The following STXBP5L variants were observed in gnomAD, a reference collection of about 807,000 sequenced individuals.
STXBP5L encodes syntaxin-binding protein 5-like.
A neutral mutation model predicts 144.5 loss-of-function variants in STXBP5L; 65 were observed. That is an observed-to-expected ratio of 0.45 (90% CI 0.37 to 0.55). The LOEUF is 0.55. STXBP5L is among the 20% of genes least tolerant of loss of function. The pLI, the probability that STXBP5L is intolerant of heterozygous loss-of-function variation, is 0.00. For missense variants in STXBP5L, 1,298 were observed against 1,405.5 expected (o/e 0.92, Z 1.22); for synonymous variants, 505 against 469.6 (o/e 1.08, Z -0.97).
chr3:121,183,879 C>G (rs2047262197), intron 9 of STXBP5L, among the ~76,000 whole-genome samples: 1 of 152,070 alleles, frequency 6.6e-6, no homozygotes. Flanking sequence ...AGACAGCTAT[C>G]TTTGCTGTTC....
At position 121,250,738 on chromosome 3, in the gene STXBP5L, A is replaced by G; in HGVS notation, c.1416A>G (p.Ser472=). 1 of 1,609,518 alleles carries G rather than the reference A, an allele frequency of 6.2e-7. No homozygotes were observed. Among genetic ancestry groups the G allele is most frequent in the Non-Finnish European group, 8.5e-7 (1 of 1,177,758 alleles). Residue 472 remains serine (S), a synonymous_variant, in exon 15 of 27, where the codon TCA becomes TCG. Transcript: ENST00000471454. ...TCTCATCTAGTCATGCAGATGGATC[A>G]ATAAAATTTTGGGATGCTTCTGCAA... The part of the protein sequence containing the change: ...EIIITGHADG[S]IKFWDASAIT...
At chr3:120,926,059 C>G (rs1011133032) in intron 2 of STXBP5L, among the ~76,000 whole-genome samples, 13 of 152,074 alleles carry the variant, frequency 8.5e-5, no homozygotes, top group Non-Finnish European at 1.5e-4. Context: ...ATAGGTTTGT[C>G]TTTTAGGTTT....
At chr3:121,204,816 A>G (rs1559861694) in intron 9 of STXBP5L, among the ~76,000 whole-genome samples, 1 of 152,196 alleles carries the variant, frequency 6.6e-6, no homozygotes, top group Non-Finnish European at 1.5e-5. Context: ...CATAACTAGA[A>G]AGATAAGCAT....
intron 15 of STXBP5L, among the ~76,000 whole-genome samples, chr3:121,251,529 G>C (rs2050025568): frequency 6.6e-6 from 1 of 152,144 alleles, no homozygotes; most frequent in South Asian, 2.1e-4. Flanking sequence ...TGAAGAACAA[G>C]TTAACAGTGA....
intron 9 of STXBP5L, among the ~76,000 whole-genome samples, chr3:121,191,408 G>A (rs1197213825): frequency 8.5e-5 from 13 of 152,258 alleles, no homozygotes; most frequent in Middle Eastern, 3.4e-3. Context: ...GCGTGGAGGC[G>A]CACGCCTGCA....
At chr3:121,207,559 GA>G (rs1352505697) in intron 10 of STXBP5L, among the ~76,000 whole-genome samples, 1 of 152,176 alleles carries the variant, frequency 6.6e-6, no homozygotes. Context: ...TACAGAATGA[GA>G]GAAAATTTTT....
chr3:120,909,720 G>A lies in STXBP5L; in HGVS notation c.142G>A (p.Glu48Lys), dbSNP rs1340092401. 2.5e-6 allele frequency: 4 copies of A among 1,611,758 alleles called. No homozygotes were observed. The highest frequency in any genetic ancestry group is 3.4e-6 in the Non-Finnish European group (4 of 1,179,436). ...HPAGTAGVLR[E>K]EIQETLTSEY... is the part of the protein sequence containing the mutation. Reference sequence around the variant, plus strand: ...GGCGGGGACTGCAGGGGTTCTCAGAGAGGAAATTCAGGAAACTTTGACTTC... The same window carrying A: ...GGCGGGGACTGCAGGGGTTCTCAGAAAGGAAATTCAGGAAACTTTGACTTC... The change falls in exon 2 of 27, where the codon GAG (glutamate) becomes AAG (lysine). Residue 48 changes from glutamate to lysine, a missense_variant. By Grantham distance (56) the Glu-to-Lys change is moderately conservative. Transcript: ENST00000471454.
chr3:121,093,468 C>G (rs1446407642), intron 5 of STXBP5L, among the ~76,000 whole-genome samples: 1 of 152,192 alleles, frequency 6.6e-6, no homozygotes, highest in African/African-American at 2.4e-5. Flanking sequence ...TTGGTCTATT[C>G]AGAGATTCAA....
At chr3:121,173,746 A>G (rs1005148692) in intron 9 of STXBP5L, among the ~76,000 whole-genome samples, 42 of 152,124 alleles carry the variant, frequency 2.8e-4, no homozygotes, top group African/African-American at 9.7e-4. Context: ...AGTTTGTGTT[A>G]TCTCTTTACA....
At chr3:121,296,964 G>A (rs2051677137) in intron 19 of STXBP5L, among the ~76,000 whole-genome samples, 1 of 152,080 alleles carries the variant, frequency 6.6e-6, no homozygotes, top group African/African-American at 2.4e-5. Context: ...ACCAAAAGTT[G>A]AATTAAGATG....
chr3:121,044,761 T>G (rs564790597), intron 4 of STXBP5L, among the ~76,000 whole-genome samples: 1 of 152,284 alleles, frequency 6.6e-6, no homozygotes, highest in African/African-American at 2.4e-5. Context: ...TTCTGCCACA[T>G]TAAGAGGTAG....
chr3:121,298,801 A>C (rs1285200097), intron 19 of STXBP5L, among the ~76,000 whole-genome samples: 1 of 152,234 alleles, frequency 6.6e-6, no homozygotes, highest in African/African-American at 2.4e-5. Flanking sequence ...ACACAGTTTG[A>C]GTTATACAAG....
intron 4 of STXBP5L, among the ~76,000 whole-genome samples, chr3:121,043,201 C>T (rs1485574257): frequency 6.6e-6 from 1 of 152,078 alleles, no homozygotes; most frequent in Non-Finnish European, 1.5e-5. Flanking sequence ...CCCAAACTTC[C>T]CAGTTTCTGA....
At chr3:121,200,181 G>A (rs1278550739) in intron 9 of STXBP5L, among the ~76,000 whole-genome samples, 1 of 152,062 alleles carries the variant, frequency 6.6e-6, no homozygotes, top group Non-Finnish European at 1.5e-5. Context: ...GTACATTCCA[G>A]GATTTAACTT....
intron 20 of STXBP5L, among the ~76,000 whole-genome samples, chr3:121,324,982 A>T (rs1236773688): frequency 6.6e-6 from 1 of 152,082 alleles, no homozygotes; most frequent in Non-Finnish European, 1.5e-5. Flanking sequence ...TCATAATACC[A>T]TGAAATATTT....
At chr3:121,144,510 G>A (rs2107954619) in intron 7 of STXBP5L, among the ~76,000 whole-genome samples, 1 of 152,016 alleles carries the variant, frequency 6.6e-6, no homozygotes, top group Non-Finnish European at 1.5e-5. Context: ...TGGAACACTT[G>A]TATGGTGGGA....
Position 121,167,672 on chromosome 3 carries a change from C to T in STXBP5L, c.877+10045C>T, listed in dbSNP as rs1443859434. 2.0e-5 allele frequency among the ~76,000 whole-genome samples: 3 copies of T among 152,212 alleles called. No individual in the cohort carries two copies. The East Asian group carries it at 5.8e-4, about 29-fold the overall frequency. ...GGCATCTCTGAAAAAAATAAGACAG[C>T]AGCCCCAGTCAGGGGCTTACAGATA... On this transcript the variant is annotated intron_variant, in intron 9 of 26. Coordinates refer to ENST00000471454, the MANE Select transcript of STXBP5L (RefSeq NM_001308330.2).
intron 9 of STXBP5L, among the ~76,000 whole-genome samples, chr3:121,200,147 C>T (rs2048083817): frequency 1.3e-5 from 2 of 152,054 alleles, no homozygotes; most frequent in Admixed American, 1.3e-4. Context: ...TTAATTACTG[C>T]CTCAATTTCA....
chr3:121,412,841 C>T (rs1196861169), intron 23 of STXBP5L, among the ~76,000 whole-genome samples: 1 of 151,554 alleles, frequency 6.6e-6, no homozygotes, highest in Non-Finnish European at 1.5e-5. Flanking sequence ...TGGCTCAAGC[C>T]TGGCCAACAT....
Sources: gnomAD v4.1 joint callset for allele counts (sites outside exome capture counted in the v4.1 genomes callset) on GRCh38, gnomAD v4.1.1 for gene constraint, MANE v1.5 for transcripts, NCBI Gene and HGNC (gene_info 2026-07-23, HGNC 2026-07-21) for gene names.